The following FREM3 variants were observed in gnomAD, a reference collection of about 807,000 sequenced individuals.
FREM3 encodes FRAS1-related extracellular matrix protein 3.
A neutral mutation model predicts 129.1 loss-of-function variants in FREM3; 105 were observed. The ratio of observed to expected loss-of-function variants is 0.81; its 90% CI spans 0.69 to 0.96. The LOEUF is 0.96. Among genes scored for constraint, FREM3 ranks in the 40% least tolerant of loss-of-function variants. The probability of loss-of-function intolerance (pLI) is 0.00; values close to 1 mark genes in which losing one functional copy is unlikely to be tolerated. For missense variants in FREM3, 2,593 were observed against 2,666.3 expected (o/e 0.97, Z 0.61); for synonymous variants, 1,014 against 1,044.9 (o/e 0.97, Z 0.57).
chr4:143,656,191 A>C (rs1739597793), intron 2 of FREM3, among the ~76,000 whole-genome samples: 1 of 152,202 alleles, frequency 6.6e-6, no homozygotes, highest in Non-Finnish European at 1.5e-5. Context: ...TTGTTTTTCT[A>C]TCAGTTACCA....
In FREM3 at chr4:143,698,545, G is replaced by A. The variant is rs1740626190; in HGVS notation, c.2131C>T (p.Leu711=). ...TGGTATTCTTGTACAGTCATTTCTA[G>A]TGTAGTTCCTGGATACAGCTGTGGA... ...LSPQLYPGTT[L]EMTVQEYQLT... is the part of the protein sequence containing the mutation. Residue 711 remains leucine, a synonymous_variant, in exon 1 of 8, where the codon CTA becomes TTA. Transcript: ENST00000329798. The A allele has an allele frequency of 2.0e-6, 3 of 1,537,704 alleles. No individual in the cohort carries two copies. The highest frequency in any genetic ancestry group is 1.4e-5 in the African/African-American group (1 of 73,168).
chr4:143,611,377 T>C lies in FREM3; in HGVS notation c.5930A>G (p.Glu1977Gly). ...LIIDDSLYEE[E>G]ESFSVSLRLP... ...CCTAAGTGAAACGCTGAAGGATTCC[T>C]CCTCTTCATAAAGGGAGTCATCAAT... The change falls in exon 6 of 8, where the codon GAG becomes GGG. Residue 1977 changes from glutamate (E) to glycine (G), a missense_variant. Glu to Gly is a moderately conservative substitution (Grantham distance 98). Around this residue, in one of 2 missense-constraint regions of FREM3, gnomAD observed 317 missense variants for 399.0 expected, o/e 0.79. Transcript: ENST00000329798. 6.5e-7 allele frequency: 1 copy of C among 1,537,174 alleles called. No homozygotes were observed.
Position 143,696,165 on chromosome 4 carries a change from T to C in FREM3, c.4511A>G (p.Asp1504Gly), listed in dbSNP as rs764290761. The change falls in exon 1 of 8, where the codon GAT (aspartate) becomes GGT (glycine). Residue 1504 changes from aspartate (D) to glycine (G), a missense_variant. Physicochemically the swap from Asp to Gly is moderately conservative, Grantham distance 94. Coordinates refer to ENST00000329798, the MANE Select transcript of FREM3 (RefSeq NM_001168235.2). ...NKISYVHTSNDEKKMDSFEFQ... is the reference protein window; with the variant it reads ...NKISYVHTSNGEKKMDSFEFQ... ...TTCGAAGCTGTCCATCTTTTTCTCA[T>C]CATTTGAAGTATGGACATAGGATAT... 1.8e-5 allele frequency: 28 copies of C among 1,537,598 alleles called. No individual in the cohort carries two copies. The highest frequency in any genetic ancestry group is 2.3e-5 in the Non-Finnish European group (26 of 1,147,032).
At chr4:143,676,859 A>G (rs1740142997) in intron 2 of FREM3, among the ~76,000 whole-genome samples, 1 of 149,596 alleles carries the variant, frequency 6.7e-6, no homozygotes, top group Non-Finnish European at 1.5e-5. Flanking sequence ...CTCTTCAAGG[A>G]GAACTACAAA....
intron 2 of FREM3, among the ~76,000 whole-genome samples, chr4:143,668,356 C>T (rs757235724): frequency 2.0e-5 from 3 of 152,216 alleles, no homozygotes; most frequent in Non-Finnish European, 4.4e-5. Context: ...GGCCCTAAAC[C>T]TTCCTCTGCT....
intron 2 of FREM3, among the ~76,000 whole-genome samples, chr4:143,685,984 A>T (rs1472901135): frequency 2.0e-5 from 3 of 152,210 alleles, no homozygotes; most frequent in Admixed American, 1.3e-4. Flanking sequence ...TGTTCTGCAC[A>T]TGTACCCCAG....
chr4:143,600,929 G>T (rs950289256), intron 6 of FREM3, among the ~76,000 whole-genome samples: 1 of 151,344 alleles, frequency 6.6e-6, no homozygotes, highest in Admixed American at 6.6e-5. Flanking sequence ...ACTTCATTCT[G>T]GGAATGCTCT....
chr4:143,591,069 G>A (rs1738351347), intron 6 of FREM3, among the ~76,000 whole-genome samples: 1 of 152,154 alleles, frequency 6.6e-6, no homozygotes, highest in Admixed American at 6.5e-5. Flanking sequence ...TTATTTCTGT[G>A]GGATCAGTGG....
At chr4:143,623,001 TG>T (rs1738981524) in intron 4 of FREM3, among the ~76,000 whole-genome samples, 1 of 152,174 alleles carries the variant, frequency 6.6e-6, no homozygotes, top group Admixed American at 6.5e-5. Flanking sequence ...CATTAGGTGG[TG>T]GGGGCAGTGT....
intron 2 of FREM3, among the ~76,000 whole-genome samples, chr4:143,692,538 G>C (rs1356718530): frequency 6.6e-6 from 1 of 152,088 alleles, no homozygotes; most frequent in African/African-American, 2.4e-5. Context: ...AAAGAAAGTG[G>C]CTTCTGTTAA....
chr4:143,599,412 T>C (rs1448684776), intron 6 of FREM3, among the ~76,000 whole-genome samples: 1 of 152,192 alleles, frequency 6.6e-6, no homozygotes, highest in East Asian at 1.9e-4. Context: ...TTTAACTCTC[T>C]GGGCCTTGCT....
rs1312333986 is a variant in FREM3, at chr4:143,696,527, G to A, written c.4149C>T (p.Gly1383=). Residue 1383 remains glycine (G), a synonymous_variant, in exon 1 of 8, where the codon GGC becomes GGT. Coordinates refer to ENST00000329798, the MANE Select transcript of FREM3 (RefSeq NM_001168235.2). ...MNFTQDEINR[G]LICYIHTGQE... is the part of the protein sequence containing the mutation. Reference sequence around the variant, plus strand: ...GGCCTGTGTGGATATAGCAGATGAGGCCTCTGTTAATCTCATCCTGGGTAA... The same window carrying A: ...GGCCTGTGTGGATATAGCAGATGAGACCTCTGTTAATCTCATCCTGGGTAA... 3.3e-6 allele frequency: 5 copies of A among 1,537,326 alleles called. No individual in the cohort carries two copies. Among genetic ancestry groups the A allele is most frequent in the Admixed American group, 2.0e-5 (1 of 50,988 alleles).
At chr4:143,578,618 A>G (rs1201500986) in intron 7 of FREM3, among the ~76,000 whole-genome samples, 1 of 152,240 alleles carries the variant, frequency 6.6e-6, no homozygotes, top group Non-Finnish European at 1.5e-5. Flanking sequence ...GTAATGGGAT[A>G]AATGGAAACT....
intron 7 of FREM3, among the ~76,000 whole-genome samples, chr4:143,584,431 A>AG (rs1387535604): frequency 6.6e-6 from 1 of 152,098 alleles, no homozygotes; most frequent in African/African-American, 2.4e-5. Context: ...AAAAAAAAAA[A>AG]AAAAAATCTA....
In FREM3 at chr4:143,696,244, A is replaced by T. The variant is rs6840796; in HGVS notation, c.4432T>A (p.Tyr1478Asn). The change falls in exon 1 of 8, where the codon TAT becomes AAT. Residue 1478 changes from tyrosine to asparagine, a missense_variant. Physicochemically the swap from Tyr to Asn is moderately radical, Grantham distance 143. Transcript: ENST00000329798. ...AAAGAGGCAATGGGTTCCCCAGCAT[A>T]GTCAGAACTTTCTAAGTGACCCAGG... ...PSLGHLESSD[Y>N]AGEPIASFTQ... The T allele has an allele frequency of 0.02, 30,755 of 1,537,756 alleles. 2,457 individuals are homozygous for T. The highest frequency in any genetic ancestry group is 0.19 in the African/African-American group (14,172 of 73,080).
At chr4:143,680,894 T>A (rs1004187983) in intron 2 of FREM3, among the ~76,000 whole-genome samples, 1 of 152,162 alleles carries the variant, frequency 6.6e-6, no homozygotes, top group Admixed American at 6.6e-5. Flanking sequence ...AATCTCTTAT[T>A]AATTTATTTT....
At chr4:143,626,800 C>T (rs1010258375) in intron 3 of FREM3, among the ~76,000 whole-genome samples, 1 of 152,130 alleles carries the variant, frequency 6.6e-6, no homozygotes, top group Non-Finnish European at 1.5e-5. Context: ...GTTTTCTCTC[C>T]AGCTCATTTC....
Position 143,697,608 on chromosome 4 carries a change from G to A in FREM3, c.3068C>T (p.Ala1023Val), listed in dbSNP as rs1320600127. 6.5e-7 allele frequency: 1 copy of A among 1,537,664 alleles called. No individual in the cohort carries two copies. Residue 1023 changes from alanine to valine, a missense_variant, in exon 1 of 8, where the codon GCA becomes GTA. Ala to Val is a moderately conservative substitution (Grantham distance 64). Transcript: ENST00000329798. The part of the protein sequence containing the change: ...INGRVAYAHT[A>V]GEVGFQKQHD... Reference sequence around the variant, plus strand: ...CTGCTTTTGAAAACCAACTTCACCTGCAGTGTGGGCATAGGCTACTCTCCC... The same window carrying A: ...CTGCTTTTGAAAACCAACTTCACCTACAGTGTGGGCATAGGCTACTCTCCC...
In FREM3 at chr4:143,690,519, TCAA is replaced by T. The variant is rs1204794453; in HGVS notation, c.5275+2591_5275+2593del. On this transcript the variant is annotated intron_variant, in intron 2 of 7. Coordinates refer to ENST00000329798, the MANE Select transcript of FREM3 (RefSeq NM_001168235.2). The stretch of plus-strand genomic sequence containing the variant: ...AATACTGGTATGGGAAACAACAACA[TCAA>T]CAACAACAACAACATCTCCTTCAGC... Among the ~76,000 whole-genome samples the T allele has an allele frequency of 5.9e-5, 9 of 152,100 alleles. No individual in the cohort carries two copies. The East Asian group carries it at 1.2e-3, about 20-fold the overall frequency.
Sources: gnomAD v4.1 joint callset for allele counts (sites outside exome capture counted in the v4.1 genomes callset) on GRCh38, gnomAD v4.1.1 for gene constraint, gnomAD v4.1.1 regional missense constraint, MANE v1.5 for transcripts, NCBI Gene and HGNC (gene_info 2026-07-23, HGNC 2026-07-21) for gene names.